SPTLC2: variants seen among roughly 807,000 people sequenced by gnomAD.
The protein encoded by SPTLC2 is serine palmitoyltransferase 2.
A neutral mutation model predicts 62.0 loss-of-function variants in SPTLC2; 21 were observed. The ratio of observed to expected loss-of-function variants is 0.34; its 90% confidence interval spans 0.24 to 0.49. The LOEUF (loss-of-function observed/expected upper bound fraction) is 0.49, where lower values mean the gene tolerates loss of function less well. Ranked by LOEUF, SPTLC2 falls within the 20% of genes least tolerant of loss-of-function variation. The pLI, the probability that SPTLC2 is intolerant of heterozygous loss-of-function variation, is 0.99. For missense variants in SPTLC2, 511 were observed against 713.0 expected (o/e 0.72, Z 3.23); for synonymous variants, 261 against 261.8 (o/e 1.00, Z 0.03).
In SPTLC2 at chr14:77,603,022, T is replaced by C. The variant is rs552965396; in HGVS notation, c.133-5642A>G. ...TAAAATAAAACAGTTTTTATTGCAC[T>C]GTAAACTGACTCAGAAGAAATGATC... On this transcript the variant is annotated intron_variant, in intron 1 of 11. Transcript: ENST00000216484. Among the ~76,000 whole-genome samples the C allele has an allele frequency of 6.6e-5, 10 of 152,358 alleles. No homozygotes were observed. The East Asian group carries it at 1.9e-3, about 29-fold the overall frequency.
rs138284836 is a variant in SPTLC2 at position 77,516,288 on chromosome 14, C to A, written c.1569+1750G>T. Among the ~76,000 whole-genome samples, 125 of 152,208 alleles carry A rather than the reference C, an allele frequency of 8.2e-4. 1 individual carries two copies. Among genetic ancestry groups the A allele is most frequent in the Non-Finnish European group, 1.5e-3 (104 of 68,024 alleles). ...CTCAGTTGGCAAACATACTTGTTGG[C>A]AACAGAAATCTCCTTAGATATCCTA... On this transcript the variant is annotated intron_variant, in intron 11 of 11. Transcript: ENST00000216484.
intron 1 of SPTLC2, among the ~76,000 whole-genome samples, chr14:77,607,360 T>C (rs1372065509): frequency 1.3e-5 from 2 of 152,348 alleles, no homozygotes; most frequent in East Asian, 3.9e-4. Context: ...GCAAAAGTAA[T>C]TGCCATTAAA....
chr14:77,544,164 A>G (rs1470611712), intron 9 of SPTLC2, among the ~76,000 whole-genome samples: 1 of 152,066 alleles, frequency 6.6e-6, no homozygotes, highest in Non-Finnish European at 1.5e-5. Flanking sequence ...GTACCACCAC[A>G]CTTGGCTAAT....
At chr14:77,552,254 A>C (rs1411504570) in intron 8 of SPTLC2, 32 bp from the exon 9 acceptor site, 2 of 1,613,292 alleles carry the variant, frequency 1.2e-6, no homozygotes, top group Non-Finnish European at 1.7e-6. Context: ...ATAAGTAGAG[A>C]CAATTCTTGC....
chr14:77,608,978 G>A (rs1011763762), intron 1 of SPTLC2, among the ~76,000 whole-genome samples: 1 of 149,978 alleles, frequency 6.7e-6, no homozygotes, highest in Non-Finnish European at 1.5e-5. Flanking sequence ...CCAGGGAGGG[G>A]TGCTTGATGG....
chr14:77,606,804 T>C (rs190338549), intron 1 of SPTLC2, among the ~76,000 whole-genome samples: 6 of 152,166 alleles, frequency 3.9e-5, no homozygotes, highest in Admixed American at 2.0e-4. Context: ...CTGGACAACA[T>C]AGTGAAACCC....
intron 11 of SPTLC2, among the ~76,000 whole-genome samples, chr14:77,516,410 A>T (rs1273862563): frequency 6.6e-6 from 1 of 152,234 alleles, no homozygotes; most frequent in Non-Finnish European, 1.5e-5. Flanking sequence ...TGCCATAGAC[A>T]CTGGTTATAG....
intron 9 of SPTLC2, among the ~76,000 whole-genome samples, chr14:77,550,536 T>C (rs143715091): frequency 0.023 from 3,464 of 151,840 alleles, 125 homozygotes; most frequent in African/African-American, 0.08. Flanking sequence ...GATCATGCCA[T>C]TGCACTCCAG....
chr14:77,602,745 C>T (rs2079884994), intron 1 of SPTLC2, among the ~76,000 whole-genome samples: 1 of 152,002 alleles, frequency 6.6e-6, no homozygotes, highest in Non-Finnish European at 1.5e-5. Flanking sequence ...TAAATATTTA[C>T]TGATTTATTG....
intron 1 of SPTLC2, among the ~76,000 whole-genome samples, chr14:77,612,475 G>C (rs1422358389): frequency 6.6e-6 from 1 of 152,208 alleles, no homozygotes; most frequent in East Asian, 1.9e-4. Context: ...CTTCCCCTTA[G>C]AGTGAAAACT....
At chr14:77,522,519 G>A (rs1359064049) in intron 9 of SPTLC2, among the ~76,000 whole-genome samples, 1 of 152,142 alleles carries the variant, frequency 6.6e-6, no homozygotes, top group South Asian at 2.1e-4. Flanking sequence ...GTATAAAATC[G>A]TATCTTTAAT....
intron 9 of SPTLC2, among the ~76,000 whole-genome samples, chr14:77,529,454 G>C (rs2079425930): frequency 6.6e-6 from 1 of 151,330 alleles, no homozygotes; most frequent in Non-Finnish European, 1.5e-5. Flanking sequence ...TATAACATCA[G>C]ATAAGTCAAA....
intron 9 of SPTLC2, among the ~76,000 whole-genome samples, chr14:77,532,519 T>C (rs1240647830): frequency 6.6e-6 from 1 of 152,122 alleles, no homozygotes; most frequent in Non-Finnish European, 1.5e-5. Context: ...GCGCGGTGGC[T>C]CACACCTGTA....
intron 9 of SPTLC2, among the ~76,000 whole-genome samples, chr14:77,544,720 T>TG (rs961226324): frequency 6.6e-6 from 1 of 152,202 alleles, no homozygotes; most frequent in Middle Eastern, 3.2e-3. Context: ...AGGCTCCTCT[T>TG]GGAGTCCTTT....
chr14:77,513,016 C>CTTTTTTTTTTTTTT lies in SPTLC2; in HGVS notation c.1570-627_1570-614dup, dbSNP rs1190713237. Among the ~76,000 whole-genome samples the CTTTTTTTTTTTTTT allele has an allele frequency of 5.4e-4, 34 of 62,830 alleles. 7 individuals carry two copies. The highest frequency in any genetic ancestry group is 9.5e-4 in the Admixed American group (3 of 3,172). The allele number at this position is 62,830 out of a possible 152,430, so 41.2% of individuals were successfully genotyped here. On this transcript the variant is annotated intron_variant, in intron 11 of 11. Coordinates refer to ENST00000216484, the MANE Select transcript of SPTLC2 (RefSeq NM_004863.4). ...AGGCGTAAGCCAACGAACCCAGCAACTTTTTTTTTTTTTTTTTTTTTTTTT... is the reference window on the plus strand; with the variant it reads ...AGGCGTAAGCCAACGAACCCAGCAACTTTTTTTTTTTTTTTTTTTTTTTTTTTTTTTTTTTTTTT...
chr14:77,567,457 A>G (rs553972712), intron 5 of SPTLC2, among the ~76,000 whole-genome samples: 1 of 152,364 alleles, frequency 6.6e-6, no homozygotes, highest in Admixed American at 6.5e-5. Flanking sequence ...TTATAACGTG[A>G]AGTCAAAGAA....
chr14:77,585,573 C>T (rs1464081664), intron 2 of SPTLC2, among the ~76,000 whole-genome samples: 1 of 152,112 alleles, frequency 6.6e-6, no homozygotes, highest in African/African-American at 2.4e-5. Flanking sequence ...GCTTGGAAAA[C>T]ATGCTTAGAA....
intron 2 of SPTLC2, among the ~76,000 whole-genome samples, chr14:77,582,473 T>C (rs2079757285): frequency 6.6e-6 from 1 of 152,208 alleles, no homozygotes; most frequent in Admixed American, 6.5e-5. Flanking sequence ...AGCAATATTT[T>C]TTGTTTTACT....
At position 77,509,774 on chromosome 14, in the gene SPTLC2, T is replaced by C. The variant is rs2079323155; in HGVS notation, c.*2510A>G. 1 of 397,420 alleles carries C rather than the reference T, an allele frequency of 2.5e-6. No individual in the cohort carries two copies. 24.6% of individuals were successfully genotyped at this position (397,420 alleles called of 1,614,324 possible). On this transcript the variant is annotated 3_prime_UTR_variant, in exon 12 of 12. Transcript: ENST00000216484. Reference sequence around the variant, plus strand: ...CATGTATAATGTCTACATAACATTTTGTTCTTTAGAAAGTACAGAGGTCCT... The same window carrying C: ...CATGTATAATGTCTACATAACATTTCGTTCTTTAGAAAGTACAGAGGTCCT...
Sources: allele counts gnomAD v4.1 joint callset (sites outside exome capture counted in the v4.1 genomes callset), GRCh38; gene constraint gnomAD v4.1.1; transcripts MANE v1.5; gene names NCBI Gene and HGNC (gene_info 2026-07-23, HGNC 2026-07-21).